NCOR2: variants seen among roughly 807,000 people sequenced by gnomAD.
The protein encoded by NCOR2 is CTG repeat protein 26.
Under a neutral mutation model 262.9 loss-of-function variants are expected in NCOR2, and 81 were observed. The ratio of observed to expected loss-of-function variants is 0.31; its 90% CI spans 0.26 to 0.37. The LOEUF (loss-of-function observed/expected upper bound fraction) is 0.37. Ranked by LOEUF, NCOR2 falls within the 10% of genes least tolerant of loss-of-function variation. The pLI is 1.00. For synonymous variants in NCOR2, 1,659 were observed against 1,559.3 expected (o/e 1.06, Z -1.51); for missense variants, 3,385 against 3,621.4 (o/e 0.93, Z 1.68).
intron 13 of NCOR2, among the ~76,000 whole-genome samples, chr12:124,407,070 G>A (rs2042314680): frequency 6.6e-6 from 1 of 152,156 alleles, no homozygotes; most frequent in Non-Finnish European, 1.5e-5. Flanking sequence ...CCTACAGCCA[G>A]GTGCCCTACC....
At chr12:124,551,932 G>T (rs1327993933) in intron 1 of NCOR2, among the ~76,000 whole-genome samples, 1 of 152,186 alleles carries the variant, frequency 6.6e-6, no homozygotes, top group African/African-American at 2.4e-5. Flanking sequence ...ATCAACTGTG[G>T]CTTGTCATGA....
At chr12:124,458,030 A>C (rs2045971479) in intron 5 of NCOR2, among the ~76,000 whole-genome samples, 1 of 152,190 alleles carries the variant, frequency 6.6e-6, no homozygotes, top group Admixed American at 6.5e-5. Context: ...ACCAGGCTAA[A>C]CTGCGTGTGT....
intron 26 of NCOR2, 127 bp downstream of exon 28, chr12:124,354,351 A>G (rs1244081): frequency 0.99 from 1,111,063 of 1,116,922 alleles, 552,814 homozygotes; most frequent in East Asian, 1. Context: ...TGAGGGAGAC[A>G]GCTGTGAAGA....
At position 124,483,084 on chromosome 12, in the gene NCOR2, G is replaced by A. The variant is rs971241620; in HGVS notation, c.411+512C>T. ...TGAGCTGTCCACCTCGCGGGCCGGG[G>A]TTCAAGGCCCAGGGGGCTGCCTGCT... On this transcript the variant is annotated intron_variant, in intron 3 of 46. Transcript: ENST00000405201. This position sits in a 1 kb window ranked among gnomAD's most constrained non-coding sequence, Gnocchi z 6.3. 2.0e-5 allele frequency among the ~76,000 whole-genome samples: 3 copies of A among 152,040 alleles called. No individual in the cohort carries two copies. The highest frequency in any genetic ancestry group is 7.2e-5 in the African/African-American group (3 of 41,394).
At chr12:124,354,710 T>G (rs1471618673) in intron 25 of NCOR2, 127 bp downstream of exon 27, 1 of 1,304,784 alleles carries the variant, frequency 7.7e-7, no homozygotes, top group Non-Finnish European at 1.0e-6. Flanking sequence ...CCAGGGCTGC[T>G]GAGGGGGGAC....
upstream of NCOR2, chr12:124,495,427 G>A (rs989392621): frequency 9.2e-6 from 12 of 1,300,650 alleles, no homozygotes; most frequent in Non-Finnish European, 1.1e-5. The surrounding 1 kb of genome is among the most constrained non-coding windows in gnomAD (Gnocchi z 4.4). Flanking sequence ...GCTCCTCCGT[G>A]CACAGGTCCC....
chr12:124,536,842 C>T (rs930695096), upstream of NCOR2, among the ~76,000 whole-genome samples: 2 of 152,202 alleles, frequency 1.3e-5, no homozygotes, highest in South Asian at 2.1e-4. Flanking sequence ...CACAGACTCG[C>T]GCACAAATGT....
intron 1 of NCOR2, chr12:124,556,164 G>A (rs893701206): frequency 1.3e-5 from 2 of 152,354 alleles, no homozygotes; most frequent in African/African-American, 2.4e-5. Context: ...GCTAGCAAGG[G>A]GTGGTCACGG....
At chr12:124,506,113 C>G (rs1283425370) in intron 1 of NCOR2, among the ~76,000 whole-genome samples, 3 of 152,130 alleles carry the variant, frequency 2.0e-5, no homozygotes, top group Non-Finnish European at 4.4e-5. Flanking sequence ...GCAGGCCCCA[C>G]CTCCACTCCA....
intron 41 of NCOR2, 23 bp downstream of exon 43, chr12:124,334,401 A>T: frequency 6.6e-7 from 1 of 1,512,890 alleles, no homozygotes. Flanking sequence ...GACCAGCAAG[A>T]GGCACCCCCA....
chr12:124,343,927 C>T (rs1188506925), intron 32 of NCOR2, among the ~76,000 whole-genome samples: 7 of 152,242 alleles, frequency 4.6e-5, no homozygotes, highest in South Asian at 2.1e-4. Flanking sequence ...CATGCCTGGC[C>T]GGAAGACAAT....
At chr12:124,386,755 C>T (rs755565484) in intron 16 of NCOR2, among the ~76,000 whole-genome samples, 7 of 152,258 alleles carry the variant, frequency 4.6e-5, no homozygotes, top group Non-Finnish European at 8.8e-5. Flanking sequence ...CCTGCTGCAC[C>T]GGAGGCAGTG....
intron 13 of NCOR2, among the ~76,000 whole-genome samples, chr12:124,409,051 G>T (rs959332924): frequency 1.3e-5 from 2 of 152,242 alleles, no homozygotes; most frequent in African/African-American, 4.8e-5. Context: ...CAGAAAGCTG[G>T]TTGTTAAACA....
At chr12:124,405,770 G>A (rs144844587) in intron 13 of NCOR2, among the ~76,000 whole-genome samples, 52 of 152,320 alleles carry the variant, frequency 3.4e-4, no homozygotes, top group African/African-American at 1.3e-3. Flanking sequence ...GGACCCGGCA[G>A]CCGGCTCAGC....
At chr12:124,403,979 C>A (rs2042126169) in intron 13 of NCOR2, among the ~76,000 whole-genome samples, 1 of 152,034 alleles carries the variant, frequency 6.6e-6, no homozygotes, top group African/African-American at 2.4e-5. Context: ...CTGGAACAGA[C>A]CCCCCGGCCC....
intron 1 of NCOR2, among the ~76,000 whole-genome samples, chr12:124,565,097 G>A (rs538683623): frequency 6.6e-6 from 1 of 152,304 alleles, no homozygotes; most frequent in East Asian, 1.9e-4. Flanking sequence ...CCGAGAGGGG[G>A]AGGGGGAGAG....
intron 1 of NCOR2, chr12:124,514,604 T>A (rs1431592693): frequency 6.6e-6 from 1 of 152,120 alleles, no homozygotes; most frequent in Non-Finnish European, 1.5e-5. Flanking sequence ...CCTAGCACTT[T>A]GAGAGGCCGA....
At chr12:124,458,136 G>A (rs2045977284) in intron 5 of NCOR2, among the ~76,000 whole-genome samples, 1 of 152,240 alleles carries the variant, frequency 6.6e-6, no homozygotes, top group Admixed American at 6.5e-5. Context: ...CAAGGACTAG[G>A]CGGACAGGCC....
At chr12:124,543,772 G>A (rs896769865) in intron 1 of NCOR2, among the ~76,000 whole-genome samples, 1 of 152,160 alleles carries the variant, frequency 6.6e-6, no homozygotes, top group African/African-American at 2.4e-5. Flanking sequence ...GGCAGGGAGC[G>A]CAGCCCAGGC....
Sources: allele counts gnomAD v4.1 joint callset (sites outside exome capture counted in the v4.1 genomes callset), GRCh38; gene constraint gnomAD v4.1.1; non-coding constraint Gnocchi (gnomAD v3.1); transcripts MANE v1.5; gene names NCBI Gene and HGNC (gene_info 2026-07-23, HGNC 2026-07-21).